ARHGEF3: variants seen among roughly 807,000 people sequenced by gnomAD.
ARHGEF3 encodes the protein Rho guanine nucleotide exchange factor 3.
In ARHGEF3, 28 loss-of-function variants were observed where a neutral mutation model predicts 63.2. The ratio of observed to expected loss-of-function variants is 0.44; its 90% CI spans 0.33 to 0.61. The LOEUF (loss-of-function observed/expected upper bound fraction) is 0.61. ARHGEF3 is among the 20% of genes least tolerant of loss of function. ARHGEF3 has a pLI of 0.03. For missense variants in ARHGEF3, 533 were observed against 659.3 expected, an observed-to-expected ratio of 0.81 and a Z score of 2.10; for synonymous variants, 266 against 254.2, an observed-to-expected ratio of 1.05 and a Z score of -0.44.
chr3:56,845,036 T>C (rs373988737), intron 4 of ARHGEF3, among the ~76,000 whole-genome samples: 2 of 152,212 alleles, frequency 1.3e-5, no homozygotes, highest in East Asian at 1.9e-4. Context: ...GAAAGGCCCA[T>C]GTGGCAAAGG....
chr3:56,916,700 G>A (rs1178340208), intron 3 of ARHGEF3, among the ~76,000 whole-genome samples: 3 of 152,172 alleles, frequency 2.0e-5, no homozygotes, highest in South Asian at 2.1e-4. Flanking sequence ...CGGCTGCAGC[G>A]GCTGTGCTGC....
chr3:57,014,379 A>G (rs1233099025), intron 2 of ARHGEF3, among the ~76,000 whole-genome samples: 1 of 152,056 alleles, frequency 6.6e-6, no homozygotes, highest in Non-Finnish European at 1.5e-5. Context: ...TTCCTTCCAA[A>G]CCACGCCCCT....
chr3:57,010,839 G>C (rs1286029153), intron 2 of ARHGEF3, among the ~76,000 whole-genome samples: 1 of 152,196 alleles, frequency 6.6e-6, no homozygotes, highest in Non-Finnish European at 1.5e-5. Context: ...CCAAGGAAGA[G>C]ACATTTGGAC....
At position 56,729,155 on chromosome 3, in the gene ARHGEF3, C is replaced by T; in HGVS notation, c.*115G>A. 1 of 880,064 alleles carries T rather than the reference C, an allele frequency of 1.1e-6. No homozygotes were observed. The highest frequency in any genetic ancestry group is 1.7e-6 in the Non-Finnish European group (1 of 586,444). The allele number at this position is 880,064 out of a possible 1,614,324, so 54.5% of individuals were successfully genotyped here. On this transcript the variant is annotated 3_prime_UTR_variant, in exon 10 of 10. Coordinates refer to ENST00000296315, the MANE Select transcript of ARHGEF3 (RefSeq NM_019555.3). ...GTACAGATACGAGAGACTGGGCCAA[C>T]ATGTATACTTTCACAAAAGTATGAA... is the stretch of plus-strand genomic sequence containing the variant.
At chr3:56,821,169 A>G (rs762526276) in intron 4 of ARHGEF3, among the ~76,000 whole-genome samples, 9 of 151,806 alleles carry the variant, frequency 5.9e-5, no homozygotes, top group Admixed American at 2.6e-4. Flanking sequence ...AAAAAAAAAT[A>G]AATAAATAAA....
chr3:57,040,574 T>C (rs146755635), intron 1 of ARHGEF3, among the ~76,000 whole-genome samples: 1 of 151,978 alleles, frequency 6.6e-6, no homozygotes, highest in Non-Finnish European at 1.5e-5. Flanking sequence ...GAGTGGTGGC[T>C]GGAAGAGGAA....
At chr3:56,745,765 G>A (rs1352852033) in intron 6 of ARHGEF3, among the ~76,000 whole-genome samples, 1 of 151,924 alleles carries the variant, frequency 6.6e-6, no homozygotes, top group African/African-American at 2.4e-5. Flanking sequence ...TCCACCTCCC[G>A]GGTTCACGCC....
intron 1 of ARHGEF3, among the ~76,000 whole-genome samples, chr3:56,774,197 C>T (rs1413304487): frequency 2.0e-5 from 3 of 152,082 alleles, no homozygotes; most frequent in Non-Finnish European, 2.9e-5. Flanking sequence ...TCTTTTGTTG[C>T]TTCTGGTTTC....
At chr3:56,811,980 C>T (rs1199409996) in intron 4 of ARHGEF3, among the ~76,000 whole-genome samples, 1 of 152,166 alleles carries the variant, frequency 6.6e-6, no homozygotes, top group Non-Finnish European at 1.5e-5. Context: ...TTATGTCTGT[C>T]TCCACTGCCT....
chr3:56,954,459 C>T (rs1699952856), intron 3 of ARHGEF3, among the ~76,000 whole-genome samples: 1 of 152,186 alleles, frequency 6.6e-6, no homozygotes, highest in Non-Finnish European at 1.5e-5. Flanking sequence ...CAGCGAGACA[C>T]CCCCCAGGGT....
At chr3:56,991,305 G>T (rs1165206735) in intron 2 of ARHGEF3, among the ~76,000 whole-genome samples, 1 of 152,000 alleles carries the variant, frequency 6.6e-6, no homozygotes, top group Non-Finnish European at 1.5e-5. Flanking sequence ...ACAGTCACTA[G>T]TTCCTCCTTT....
chr3:56,932,239 C>T (rs529151754), intron 3 of ARHGEF3, among the ~76,000 whole-genome samples: 2 of 152,166 alleles, frequency 1.3e-5, no homozygotes, highest in Admixed American at 1.3e-4. Context: ...TTTGTTCCCT[C>T]AAATATAAAA....
chr3:57,023,573 CA>C (rs1218344513), intron 2 of ARHGEF3, among the ~76,000 whole-genome samples: 1 of 151,870 alleles, frequency 6.6e-6, no homozygotes, highest in Non-Finnish European at 1.5e-5. Flanking sequence ...TCTTTACTAC[CA>C]AGGCCAAGAG....
chr3:56,974,584 T>C (rs1209440177), intron 2 of ARHGEF3, among the ~76,000 whole-genome samples: 2 of 152,200 alleles, frequency 1.3e-5, no homozygotes, highest in Admixed American at 1.3e-4. Context: ...CAGTTTTCCA[T>C]ATTCAAAGTG....
chr3:56,808,276 C>CA (rs141825978), intron 4 of ARHGEF3, among the ~76,000 whole-genome samples: 11,296 of 151,070 alleles, frequency 0.075, 833 homozygotes, highest in East Asian at 0.25. Context: ...AGCTATAAAG[C>CA]AAAAAAAATA....
intron 4 of ARHGEF3, among the ~76,000 whole-genome samples, chr3:56,868,515 A>G (rs781743629): frequency 2.6e-4 from 39 of 151,980 alleles, no homozygotes; most frequent in Non-Finnish European, 4.9e-4. Context: ...GGCGTGTGCC[A>G]CCACATCCGG....
chr3:56,828,745 C>A (rs1374750827), intron 4 of ARHGEF3, among the ~76,000 whole-genome samples: 1 of 152,102 alleles, frequency 6.6e-6, no homozygotes, highest in African/African-American at 2.4e-5. Flanking sequence ...TCTGTGGGAG[C>A]CTGTTTCTCA....
chr3:57,059,714 G>C (rs1705118196), intron 1 of ARHGEF3, among the ~76,000 whole-genome samples: 2 of 152,134 alleles, frequency 1.3e-5, no homozygotes, highest in South Asian at 4.2e-4. Flanking sequence ...AGACGAAGAG[G>C]GGCTGGGTAT....
intron 1 of ARHGEF3, among the ~76,000 whole-genome samples, chr3:57,038,610 A>AT (rs1704054509): frequency 6.6e-6 from 1 of 151,936 alleles, no homozygotes; most frequent in South Asian, 2.1e-4. Flanking sequence ...CACCTGGCTC[A>AT]TTTTTTTAAT....
Sources: allele counts gnomAD v4.1 joint callset (sites outside exome capture counted in the v4.1 genomes callset), GRCh38; gene constraint gnomAD v4.1.1; transcripts MANE v1.5; gene names NCBI Gene and HGNC (gene_info 2026-07-23, HGNC 2026-07-21).